NHLRC2: variants seen among roughly 807,000 people sequenced by gnomAD.
The protein encoded by NHLRC2 is NHL repeat containing 2.
A neutral mutation model predicts 68.1 loss-of-function variants in NHLRC2; 33 were observed. That is an observed-to-expected ratio of 0.48 (90% CI 0.37 to 0.65). The LOEUF is 0.65. NHLRC2 is among the 30% of genes least tolerant of loss of function. NHLRC2 has a pLI of 0.00. For missense variants in NHLRC2, 761 were observed against 853.8 expected (o/e 0.89, Z 1.35); for synonymous variants, 311 against 309.6 (o/e 1.00, Z -0.05).
intron 5 of NHLRC2, among the ~76,000 whole-genome samples, chr10:113,897,563 G>T (rs1024162488): frequency 1.3e-5 from 2 of 152,204 alleles, no homozygotes; most frequent in Non-Finnish European, 2.9e-5. Flanking sequence ...TTGGATGCCA[G>T]TATATGTAAC....
intron 2 of NHLRC2, among the ~76,000 whole-genome samples, chr10:113,874,436 ATGTGTTTGTGTGTGTG>A (rs1213418300): frequency 5.6e-4 from 61 of 108,652 alleles, no homozygotes; most frequent in African/African-American, 2.1e-3. Context: ...CTTTCAAGGC[ATGTGTTTGTGTGTGTG>A]TGTGTGTGTG....
intron 5 of NHLRC2, among the ~76,000 whole-genome samples, chr10:113,889,174 A>C (rs933524740): frequency 4.6e-5 from 7 of 152,080 alleles, no homozygotes; most frequent in African/African-American, 1.7e-4. Flanking sequence ...CCTGATTTTG[A>C]GTCATTTATA....
Position 113,912,360 on chromosome 10 carries a change from A to C in NHLRC2, c.*3824A>C, listed in dbSNP as rs1193218850. On this transcript the variant is annotated 3_prime_UTR_variant, in exon 11 of 11. Coordinates refer to ENST00000369301, the MANE Select transcript of NHLRC2 (RefSeq NM_198514.4). ...TGTGAAGGAAAATCTCCCACTAACT[A>C]TTGGTTATGTTAATATTCTTCATAG... is the stretch of plus-strand genomic sequence containing the variant. The C allele has an allele frequency of 6.6e-6, 1 of 152,198 alleles. No individual in the cohort carries two copies. Among genetic ancestry groups the C allele is most frequent in the Non-Finnish European group, 1.5e-5 (1 of 68,032 alleles). 9.4% of individuals were successfully genotyped at this position (152,198 alleles called of 1,614,324 possible).
chr10:113,856,752 A>G (rs1257315905), intron 1 of NHLRC2, among the ~76,000 whole-genome samples: 1 of 152,208 alleles, frequency 6.6e-6, no homozygotes, highest in African/African-American at 2.4e-5. Context: ...TTTCTCCTGG[A>G]CCCGATTATT....
At chr10:113,893,533 A>T (rs1267173618) in intron 5 of NHLRC2, among the ~76,000 whole-genome samples, 1 of 152,170 alleles carries the variant, frequency 6.6e-6, no homozygotes, top group Non-Finnish European at 1.5e-5. Context: ...ACAGAAAGTG[A>T]CCTGGGTGAT....
At chr10:113,892,270 A>AC (rs2134725657) in intron 5 of NHLRC2, among the ~76,000 whole-genome samples, 1 of 152,336 alleles carries the variant, frequency 6.6e-6, no homozygotes, top group South Asian at 2.1e-4. Context: ...AATATGTCTA[A>AC]TCTCTACTGA....
At chr10:113,879,177 A>G (rs922390899) in intron 3 of NHLRC2, among the ~76,000 whole-genome samples, 1 of 152,106 alleles carries the variant, frequency 6.6e-6, no homozygotes, top group Non-Finnish European at 1.5e-5. Flanking sequence ...GTTTACAACA[A>G]TTTGGCCATG....
chr10:113,884,303 G>A lies in NHLRC2; in HGVS notation c.962G>A (p.Gly321Asp), dbSNP rs1468595119. 6.2e-7 allele frequency: 1 copy of A among 1,609,980 alleles called. No individual in the cohort carries two copies. The highest frequency in any genetic ancestry group is 1.1e-5 in the South Asian group (1 of 90,882). ...VSTVAGIGIQ[G>D]TDKEGGAKGE... is the part of the protein sequence containing the mutation. The stretch of plus-strand genomic sequence containing the variant: ...ACTGTAGCTGGTATTGGAATTCAAG[G>A]TACAGATAAAGAAGGTGGAGCAAAA... Residue 321 changes from glycine to aspartate, a missense_variant, in exon 5 of 11, where the codon GGT becomes GAT. Physicochemically the swap from Gly to Asp is moderately conservative, Grantham distance 94. Coordinates refer to ENST00000369301, the MANE Select transcript of NHLRC2 (RefSeq NM_198514.4).
At chr10:113,875,293 A>T (rs754408172) in intron 2 of NHLRC2, among the ~76,000 whole-genome samples, 1 of 152,110 alleles carries the variant, frequency 6.6e-6, no homozygotes, top group Admixed American at 6.5e-5. Flanking sequence ...TTATTCAGTT[A>T]TCAGCTCCCC....
At position 113,909,996 on chromosome 10, in the gene NHLRC2, G is replaced by GTA. The variant is rs1165033847; in HGVS notation, c.*1463_*1464dup. On this transcript the variant is annotated 3_prime_UTR_variant, in exon 11 of 11. Transcript: ENST00000369301. ...TTAGCTGAATCTCTGAAGTAAGGAT[G>GTA]TATAAATCATGACATTGATTTAATT... The GTA allele has an allele frequency of 6.6e-5, 10 of 152,244 alleles. No individual in the cohort carries two copies. The highest frequency in any genetic ancestry group is 3.4e-3 in the Middle Eastern group (1 of 294). 9.4% of individuals were successfully genotyped at this position (152,244 alleles called of 1,614,324 possible). A position where few individuals can be genotyped will look rare whatever the true frequency, so the allele number is the denominator to read the frequency against.
intron 6 of NHLRC2, among the ~76,000 whole-genome samples, chr10:113,899,914 G>A (rs989108187): frequency 3.3e-5 from 5 of 150,628 alleles, no homozygotes; most frequent in African/African-American, 4.9e-5. Context: ...GTGAGACTCC[G>A]TTTAAAAAAA....
chr10:113,886,418 C>G (rs1846083033), intron 5 of NHLRC2, among the ~76,000 whole-genome samples: 1 of 152,022 alleles, frequency 6.6e-6, no homozygotes, highest in African/African-American at 2.4e-5. Flanking sequence ...TAGAAAAGAT[C>G]CTGAATAGCC....
chr10:113,899,850 G>A (rs1324774399), intron 6 of NHLRC2, among the ~76,000 whole-genome samples: 4 of 152,152 alleles, frequency 2.6e-5, no homozygotes, highest in South Asian at 4.1e-4. Context: ...CCCAGGAGGC[G>A]GAAGGTTGCA....
intron 6 of NHLRC2, among the ~76,000 whole-genome samples, chr10:113,900,697 A>G (rs1846219856): frequency 6.6e-6 from 1 of 152,164 alleles, no homozygotes; most frequent in Admixed American, 6.5e-5. Flanking sequence ...TAGTTATTAC[A>G]TATATTGTAC....
intron 2 of NHLRC2, among the ~76,000 whole-genome samples, chr10:113,874,279 T>C (rs1448048766): frequency 4.6e-5 from 7 of 152,194 alleles, no homozygotes; most frequent in African/African-American, 1.7e-4. Flanking sequence ...TTGCTGTTAT[T>C]TTCCTCGTTT....
At chr10:113,872,792 GA>G (rs1297000480) in intron 2 of NHLRC2, among the ~76,000 whole-genome samples, 1 of 147,686 alleles carries the variant, frequency 6.8e-6, no homozygotes. Flanking sequence ...AAGGTTTAGA[GA>G]AAAAAATGAT....
At chr10:113,891,671 C>T (rs925521087) in intron 5 of NHLRC2, among the ~76,000 whole-genome samples, 3 of 152,176 alleles carry the variant, frequency 2.0e-5, no homozygotes, top group Non-Finnish European at 2.9e-5. Flanking sequence ...TTTCAGTCGT[C>T]CCTGTACAAT....
intron 5 of NHLRC2, among the ~76,000 whole-genome samples, chr10:113,893,615 C>T (rs1234379928): frequency 6.6e-6 from 1 of 152,146 alleles, no homozygotes; most frequent in Non-Finnish European, 1.5e-5. Flanking sequence ...ACTGCTGCTG[C>T]TTCTCTACTT....
chr10:113,865,746 C>G (rs763906826), intron 2 of NHLRC2, among the ~76,000 whole-genome samples: 3 of 151,866 alleles, frequency 2.0e-5, no homozygotes, highest in Non-Finnish European at 4.4e-5. Context: ...CTGTAATATG[C>G]TACTATGTGA....
Sources: gnomAD v4.1 joint callset for allele counts (sites outside exome capture counted in the v4.1 genomes callset) on GRCh38, gnomAD v4.1.1 for gene constraint, MANE v1.5 for transcripts, NCBI Gene and HGNC (gene_info 2026-07-23, HGNC 2026-07-21) for gene names.